The following TMT1A variants were observed in gnomAD, a reference collection of about 807,000 sequenced individuals.
TMT1A encodes thiol S-methyltransferase TMT1A.
chr12:50,927,875 T>C, the TMT1A span, among the ~76,000 whole-genome samples: 46 of 151,982 alleles, frequency 3.0e-4, no homozygotes, highest in African/African-American at 1.1e-3. Flanking sequence ...CCCAGGCTGG[T>C]GTACAGTGGC....
At chr12:50,927,581 C>G in the TMT1A span, among the ~76,000 whole-genome samples, 9 of 152,324 alleles carry the variant, frequency 5.9e-5, no homozygotes, top group Non-Finnish European at 4.4e-5. Flanking sequence ...TCTCAGTTTT[C>G]CAGTGCCAAA....
the TMT1A span, among the ~76,000 whole-genome samples, chr12:50,927,384 G>A: frequency 1.3e-5 from 2 of 152,214 alleles, no homozygotes; most frequent in African/African-American, 2.4e-5. Context: ...TTGGAGATAG[G>A]GTTTAGGGAA....
the TMT1A span, among the ~76,000 whole-genome samples, chr12:50,929,056 G>A: frequency 3.3e-5 from 5 of 151,728 alleles, no homozygotes; most frequent in Non-Finnish European, 7.4e-5. Flanking sequence ...TGGGCAATGC[G>A]GCGAAACTCT....
chr12:50,925,286 C>T, the TMT1A span: 1 of 1,614,220 alleles, frequency 6.2e-7, no homozygotes. Flanking sequence ...GGCACGGGGG[C>T]CAACTTCAAG....
chr12:50,925,398 G>A, the TMT1A span: 5 of 1,614,222 alleles, frequency 3.1e-6, no homozygotes, highest in South Asian at 1.1e-5. Flanking sequence ...TGCAGTTTGA[G>A]CGCTTTGTGG....
At chr12:50,926,991 T>G in the TMT1A span, among the ~76,000 whole-genome samples, 8 of 152,322 alleles carry the variant, frequency 5.3e-5, no homozygotes, top group South Asian at 1.7e-3. Context: ...AATTTACTCT[T>G]CTGGGGGAAA....
chr12:50,926,420 A>ATAAT, the TMT1A span, among the ~76,000 whole-genome samples: 13 of 152,322 alleles, frequency 8.5e-5, no homozygotes, highest in South Asian at 2.7e-3. Flanking sequence ...GTGGTATCTG[A>ATAAT]TAATATCAAA....
chr12:50,932,003 C>T, the TMT1A span: 1 of 152,140 alleles, frequency 6.6e-6, no homozygotes, highest in Non-Finnish European at 1.5e-5. Context: ...CAGTATTCCA[C>T]CAAAGTTTGT....
At chr12:50,928,041 TG>T in the TMT1A span, among the ~76,000 whole-genome samples, 4 of 152,204 alleles carry the variant, frequency 2.6e-5, no homozygotes, top group Admixed American at 2.6e-4. Flanking sequence ...GCCGGGCTGG[TG>T]TCCAACTTCT....
the TMT1A span, among the ~76,000 whole-genome samples, chr12:50,926,447 C>T: frequency 6.6e-6 from 1 of 152,186 alleles, no homozygotes; most frequent in Non-Finnish European, 1.5e-5. Context: ...ACCACACATA[C>T]TCTTTTATCC....
the TMT1A span, chr12:50,925,673 T>G: frequency 9.5e-7 from 1 of 1,056,278 alleles, no homozygotes; most frequent in Non-Finnish European, 1.3e-6. Context: ...TTTTAAAATT[T>G]TAGCGTGGGA....
the TMT1A span, chr12:50,929,777 G>C: frequency 1.4e-6 from 1 of 719,974 alleles, no homozygotes; most frequent in Admixed American, 2.7e-5. Context: ...TTAGTGTGGA[G>C]TGACCCTCCT....
At chr12:50,928,338 T>A in the TMT1A span, among the ~76,000 whole-genome samples, 2 of 152,302 alleles carry the variant, frequency 1.3e-5, no homozygotes, top group South Asian at 4.1e-4. Flanking sequence ...AATAGGCACG[T>A]GAACATGGAA....
the TMT1A span, among the ~76,000 whole-genome samples, chr12:50,928,999 A>G: frequency 6.6e-6 from 1 of 151,964 alleles, no homozygotes; most frequent in Non-Finnish European, 1.5e-5. Context: ...GCACTTTGGG[A>G]GGCCTAGACA....
the TMT1A span, chr12:50,925,688 A>G: frequency 2.1e-6 from 2 of 941,700 alleles, no homozygotes; most frequent in East Asian, 2.7e-5. Context: ...GTGGGAGAGA[A>G]GCTATAAAGA....
At chr12:50,925,291 T>A in the TMT1A span, 3 of 1,614,210 alleles carry the variant, frequency 1.9e-6, no homozygotes, top group Non-Finnish European at 2.5e-6. Context: ...GGGGGCCAAC[T>A]TCAAGTTCTA....
the TMT1A span, among the ~76,000 whole-genome samples, chr12:50,927,837 T>C: frequency 2.6e-5 from 4 of 152,182 alleles, no homozygotes; most frequent in Non-Finnish European, 5.9e-5. Context: ...AATATTCCTT[T>C]TTTTTGAAAC....
chr12:50,929,843 TTCAAAAAATAAA>T, the TMT1A span: 1 of 1,451,348 alleles, frequency 6.9e-7, no homozygotes, highest in African/African-American at 1.4e-5. Context: ...GAGAACAATT[TTCAAAAAATAAA>T]TTAAAAAAGC....
the TMT1A span, chr12:50,930,110 A>G: frequency 6.2e-7 from 1 of 1,613,704 alleles, no homozygotes; most frequent in South Asian, 1.1e-5. Context: ...CTGTCCTGGG[A>G]GTTGGTGCGC....
Sources: allele counts gnomAD v4.1 joint callset (sites outside exome capture counted in the v4.1 genomes callset), GRCh38; gene constraint gnomAD v4.1.1; transcripts MANE v1.5; gene names NCBI Gene and HGNC (gene_info 2026-07-23, HGNC 2026-07-21).